Variants in PTPRD observed in about 807,000 individuals in gnomAD.
PTPRD encodes the protein protein tyrosine phosphatase receptor type D, also known as receptor-type tyrosine-protein phosphatase delta.
In PTPRD, 34 loss-of-function variants were observed where a neutral mutation model predicts 214.5. The observed-to-expected ratio is 0.16, with a 90% CI of 0.12 to 0.21. The LOEUF (loss-of-function observed/expected upper bound fraction) is 0.21, where lower values mean the gene tolerates loss of function less well. Among genes scored for constraint, PTPRD ranks in the 10% least tolerant of loss-of-function variants. The pLI is 1.00. For missense variants in PTPRD, 2,545 were observed against 2,398.7 expected (o/e 1.06, Z -1.27); for synonymous variants, 1,128 against 845.7 (o/e 1.33, Z -5.79).
chr9:8,537,831 C>T lies in PTPRD; in HGVS notation c.353-9052G>A, dbSNP rs183311546. Among the ~76,000 whole-genome samples the T allele has an allele frequency of 3.9e-5, 6 of 152,108 alleles. No homozygotes were observed. The East Asian group carries it at 7.7e-4, about 20-fold the overall frequency. ...CATCCTACAAATTACAAAGTAATGT[C>T]TACATAGCAGAACATAAACCCCAGT... On this transcript the variant is annotated intron_variant, in intron 14 of 45. Coordinates refer to ENST00000381196, the MANE Select transcript of PTPRD (RefSeq NM_002839.4).
chr9:8,486,174 T>G lies in PTPRD; in HGVS notation c.2643A>C (p.Thr881=), dbSNP rs61733191. 2.5e-4 allele frequency: 409 copies of G among 1,614,190 alleles called. 1 individual carries two copies. The African/African-American group carries it at 4.5e-3, about 18-fold the overall frequency. ...LEFSEKEDHF[T]ATDIHKGASY... Reference sequence around the variant, plus strand: ...ATGCTCCCTTGTGGATGTCTGTAGCTGTAAAGTGATCTTCTTTTTCAGAGA... The same window carrying G: ...ATGCTCCCTTGTGGATGTCTGTAGCGGTAAAGTGATCTTCTTTTTCAGAGA... Residue 881 remains threonine (T), a synonymous_variant, in exon 28 of 46, where the codon ACA becomes ACC. Coordinates refer to ENST00000381196, the MANE Select transcript of PTPRD (RefSeq NM_002839.4).
chr9:10,127,344 G>A (rs998517033), intron 3 of PTPRD, among the ~76,000 whole-genome samples: 1 of 152,132 alleles, frequency 6.6e-6, no homozygotes, highest in Non-Finnish European at 1.5e-5. Flanking sequence ...TGTGGCAAAA[G>A]AAAATAATGC....
chr9:9,783,095 C>T (rs1327326476), intron 5 of PTPRD, among the ~76,000 whole-genome samples: 3 of 151,826 alleles, frequency 2.0e-5, no homozygotes, highest in Non-Finnish European at 4.4e-5. Flanking sequence ...ATTTTCATTC[C>T]TTGACAATTA....
intron 14 of PTPRD, among the ~76,000 whole-genome samples, chr9:8,577,822 G>T (rs940852276): frequency 6.6e-6 from 1 of 152,160 alleles, no homozygotes; most frequent in African/African-American, 2.4e-5. Context: ...AAGACCCGCT[G>T]AATCAGAAAC....
At chr9:10,319,572 G>A (rs1019695575) in intron 3 of PTPRD, among the ~76,000 whole-genome samples, 1 of 151,908 alleles carries the variant, frequency 6.6e-6, no homozygotes, top group Non-Finnish European at 1.5e-5. Context: ...ATTAGTTTTT[G>A]TTAAAGAGAG....
rs145187213 is a variant in PTPRD, at chr9:9,906,654, T to C, written c.-368+31853A>G. On this transcript the variant is annotated intron_variant, in intron 5 of 45. Coordinates refer to ENST00000381196, the MANE Select transcript of PTPRD (RefSeq NM_002839.4). ...TTATGATGTTTTAACTCACCTATCA[T>C]ATAATCAGCATTTCTCAAGGCTTAG... 1.3e-3 allele frequency among the ~76,000 whole-genome samples: 191 copies of C among 152,088 alleles called. 1 individual carries two copies. Among genetic ancestry groups the C allele is most frequent in the African/African-American group, 4.5e-3 (187 of 41,534 alleles).
chr9:9,301,827 T>C (rs1217322114), intron 9 of PTPRD, among the ~76,000 whole-genome samples: 1 of 151,924 alleles, frequency 6.6e-6, no homozygotes, highest in Non-Finnish European at 1.5e-5. Context: ...GATATGTCCC[T>C]AGAATTTCCC....
rs2082322701 is a variant in PTPRD at position 9,429,692 on chromosome 9, G to C, written c.-236-32210C>G. The stretch of plus-strand genomic sequence containing the variant: ...ACCGAATCCAGCAGCACATCAAAAA[G>C]CTTATCCACCATGATCAAGTGGGCT... On this transcript the variant is annotated intron_variant, in intron 8 of 45. Coordinates refer to ENST00000381196, the MANE Select transcript of PTPRD (RefSeq NM_002839.4). Among the ~76,000 whole-genome samples, 3 of 152,096 alleles carry C rather than the reference G, an allele frequency of 2.0e-5. 1 individual carries two copies. In the South Asian group the frequency reaches 6.2e-4, roughly 32 times the overall value.
intron 2 of PTPRD, among the ~76,000 whole-genome samples, chr9:10,505,079 C>A (rs1179730662): frequency 6.6e-6 from 1 of 151,974 alleles, no homozygotes; most frequent in African/African-American, 2.4e-5. Flanking sequence ...TGCAGTCTTG[C>A]AAAAGAAAAA....
At chr9:8,545,978 G>A (rs1450241581) in intron 14 of PTPRD, among the ~76,000 whole-genome samples, 2 of 152,170 alleles carry the variant, frequency 1.3e-5, no homozygotes, top group Non-Finnish European at 2.9e-5. Context: ...GCCTATCCAA[G>A]CACATAATAT....
intron 5 of PTPRD, among the ~76,000 whole-genome samples, chr9:9,875,909 T>C (rs1240463063): frequency 2.6e-5 from 4 of 152,110 alleles, no homozygotes; most frequent in African/African-American, 9.7e-5. Context: ...ATAATGGTTT[T>C]CTCTAGTGAA....
intron 8 of PTPRD, among the ~76,000 whole-genome samples, chr9:9,433,319 C>G (rs578249441): frequency 6.6e-6 from 1 of 152,240 alleles, no homozygotes; most frequent in African/African-American, 2.4e-5. Flanking sequence ...CCTTTTCAGA[C>G]TGAACTGACA....
chr9:10,028,170 A>G (rs893747029), intron 4 of PTPRD, among the ~76,000 whole-genome samples: 2 of 152,180 alleles, frequency 1.3e-5, no homozygotes, highest in African/African-American at 4.8e-5. Context: ...GTTTCCCTTC[A>G]CAAGCTCTCT....
At chr9:8,757,475 A>G (rs1186976078) in intron 11 of PTPRD, among the ~76,000 whole-genome samples, 3 of 152,010 alleles carry the variant, frequency 2.0e-5, no homozygotes, top group Admixed American at 6.6e-5. Flanking sequence ...GTTTGGGTGT[A>G]AGAAGGAATT....
rs188695808 is a variant in PTPRD at position 10,222,775 on chromosome 9, T to A, written c.-545+118188A>T. Among the ~76,000 whole-genome samples the A allele has an allele frequency of 2.0e-5, 3 of 152,084 alleles. No homozygotes were observed. The East Asian group carries it at 5.8e-4, about 30-fold the overall frequency. ...TTGTTCTTCAGTATATGAAAATAGG[T>A]AGTAATTTTGTGATCTGAAATGACA... On this transcript the variant is annotated intron_variant, in intron 3 of 45. Coordinates refer to ENST00000381196, the MANE Select transcript of PTPRD (RefSeq NM_002839.4).
intron 3 of PTPRD, among the ~76,000 whole-genome samples, chr9:10,173,585 T>C (rs984600935): frequency 1.4e-4 from 22 of 152,170 alleles, no homozygotes; most frequent in African/African-American, 4.8e-4. Flanking sequence ...TATCTTACCA[T>C]TTCCAAATAA....
chr9:9,985,894 T>C (rs912929640), intron 4 of PTPRD, among the ~76,000 whole-genome samples: 3 of 152,046 alleles, frequency 2.0e-5, no homozygotes, highest in Non-Finnish European at 4.4e-5. Context: ...AAGGAAATAA[T>C]TGTTTCTAAC....
Position 8,902,335 on chromosome 9 carries a change from C to A in PTPRD, c.-104+116362G>T, listed in dbSNP as rs1169453389. On this transcript the variant is annotated intron_variant, in intron 11 of 45. Coordinates refer to ENST00000381196, the MANE Select transcript of PTPRD (RefSeq NM_002839.4). ...GGAATTGGCATTTTTCTTTTCTTTTCTTTCTTTTTCTTTTTTTTTTTTTTT... is the reference window on the plus strand; with the variant it reads ...GGAATTGGCATTTTTCTTTTCTTTTATTTCTTTTTCTTTTTTTTTTTTTTT... 3.7e-5 allele frequency among the ~76,000 whole-genome samples: 5 copies of A among 136,654 alleles called. No individual in the cohort carries two copies. The South Asian group carries it at 7.2e-4, about 20-fold the overall frequency. 89.7% of individuals were successfully genotyped at this position (136,654 alleles called of 152,430 possible). A position where few individuals can be genotyped will look rare whatever the true frequency, so the allele number is the denominator to read the frequency against.
intron 14 of PTPRD, among the ~76,000 whole-genome samples, chr9:8,549,764 A>T (rs2081439766): frequency 1.3e-5 from 2 of 152,174 alleles, no homozygotes; most frequent in South Asian, 4.1e-4. Flanking sequence ...ATCTAGGAAA[A>T]ACACCCAATA....
Sources: gnomAD v4.1 joint callset for allele counts (sites outside exome capture counted in the v4.1 genomes callset) on GRCh38, gnomAD v4.1.1 for gene constraint, MANE v1.5 for transcripts, NCBI Gene and HGNC (gene_info 2026-07-23, HGNC 2026-07-21) for gene names.